PDE4B: variants seen among roughly 807,000 people sequenced by gnomAD.
PDE4B encodes the protein 3',5'-cyclic-AMP phosphodiesterase 4B.
Under a neutral mutation model 82.2 loss-of-function variants are expected in PDE4B, and 20 were observed. The ratio of observed to expected loss-of-function variants is 0.24; its 90% CI spans 0.17 to 0.35. The LOEUF (loss-of-function observed/expected upper bound fraction) is 0.35. PDE4B is among the 10% of genes least tolerant of loss of function. The pLI, the probability that PDE4B is intolerant of heterozygous loss-of-function variation, is 1.00. For synonymous variants in PDE4B, 320 were observed against 318.9 expected (o/e 1.00, Z -0.04); for missense variants, 655 against 907.2 (o/e 0.72, Z 3.57).
intron 1 of PDE4B, among the ~76,000 whole-genome samples, chr1:65,909,825 TA>T (rs1647067498): frequency 6.6e-6 from 1 of 152,198 alleles, no homozygotes; most frequent in Non-Finnish European, 1.5e-5. Flanking sequence ...TTAAAAACTT[TA>T]GTATCTTTTA....
At chr1:66,230,601 G>T (rs945935294) in intron 3 of PDE4B, among the ~76,000 whole-genome samples, 2 of 152,188 alleles carry the variant, frequency 1.3e-5, no homozygotes, top group Non-Finnish European at 2.9e-5. Context: ...ATAGCAATGA[G>T]ATTTAATTTG....
intron 1 of PDE4B, among the ~76,000 whole-genome samples, chr1:65,896,008 G>T (rs572090670): frequency 4.0e-5 from 6 of 150,518 alleles, no homozygotes; most frequent in African/African-American, 1.5e-4. Context: ...GAAGTGAATA[G>T]GAAGATTTTC....
chr1:66,127,564 A>G (rs554310), intron 3 of PDE4B, among the ~76,000 whole-genome samples: 50,912 of 151,954 alleles, frequency 0.34, 9,393 homozygotes, highest in East Asian at 0.69. Context: ...CTTAACTAAT[A>G]TCAGAATTAG....
At chr1:65,898,737 G>C (rs1271747861) in intron 1 of PDE4B, among the ~76,000 whole-genome samples, 1 of 151,998 alleles carries the variant, frequency 6.6e-6, no homozygotes, top group African/African-American at 2.4e-5. Flanking sequence ...TTTCAACAAA[G>C]GGTGCTGGGA....
At chr1:65,838,359 G>C (rs1204301252) in intron 1 of PDE4B, among the ~76,000 whole-genome samples, 1 of 151,852 alleles carries the variant, frequency 6.6e-6, no homozygotes, top group Non-Finnish European at 1.5e-5. Context: ...AAAAACTATA[G>C]TAGAAACACA....
At chr1:66,016,411 A>G (rs1652777797) in intron 3 of PDE4B, among the ~76,000 whole-genome samples, 1 of 152,218 alleles carries the variant, frequency 6.6e-6, no homozygotes, top group Admixed American at 6.5e-5. Context: ...GCTACGGCAC[A>G]TACTTCTTTC....
chr1:65,873,881 G>A (rs1327082903), intron 1 of PDE4B, among the ~76,000 whole-genome samples: 2 of 151,974 alleles, frequency 1.3e-5, no homozygotes, highest in Non-Finnish European at 1.5e-5. Context: ...TTCGGCTTAG[G>A]ATTGACTTGG....
At chr1:65,885,855 TATAATA>T (rs34224891) in intron 1 of PDE4B, among the ~76,000 whole-genome samples, 2,337 of 141,358 alleles carry the variant, frequency 0.017, 63 homozygotes, top group African/African-American at 0.05. Flanking sequence ...AAACTTAACG[TATAATA>T]ATAATAATAA....
chr1:66,078,034 TAGTA>T (rs1489894121), intron 3 of PDE4B, among the ~76,000 whole-genome samples: 1 of 152,162 alleles, frequency 6.6e-6, no homozygotes, highest in Non-Finnish European at 1.5e-5. Flanking sequence ...GCTTGGCACA[TAGTA>T]AGCACTGAGA....
At chr1:66,337,883 T>C (rs541470979) in intron 8 of PDE4B, among the ~76,000 whole-genome samples, 58 of 152,278 alleles carry the variant, frequency 3.8e-4, no homozygotes, top group Non-Finnish European at 7.8e-4. Context: ...CAAAATAAAG[T>C]GAAAAGAGCC....
At chr1:65,964,121 A>G (rs1346361980) in intron 3 of PDE4B, among the ~76,000 whole-genome samples, 1 of 152,120 alleles carries the variant, frequency 6.6e-6, no homozygotes, top group African/African-American at 2.4e-5. Context: ...TGAGAAAAAA[A>G]TTTATTCCAG....
chr1:66,003,696 T>C (rs1253226775), intron 3 of PDE4B, among the ~76,000 whole-genome samples: 1 of 152,148 alleles, frequency 6.6e-6, no homozygotes, highest in East Asian at 1.9e-4. Flanking sequence ...CCTCAGCAGT[T>C]TATACAGGAA....
At chr1:66,110,107 AAAAGCTTG>A (rs1645451168) in intron 3 of PDE4B, among the ~76,000 whole-genome samples, 1 of 152,030 alleles carries the variant, frequency 6.6e-6, no homozygotes, top group African/African-American at 2.4e-5. Context: ...TACTGTGGCA[AAAAGCTTG>A]AAGCTTTCAT....
intron 3 of PDE4B, among the ~76,000 whole-genome samples, chr1:66,148,384 C>G (rs1440487239): frequency 6.6e-6 from 1 of 152,146 alleles, no homozygotes; most frequent in East Asian, 1.9e-4. Context: ...TTATCTAAAT[C>G]CTGTCTATTC....
intron 3 of PDE4B, among the ~76,000 whole-genome samples, chr1:66,090,152 C>A (rs993862010): frequency 2.0e-5 from 3 of 151,714 alleles, no homozygotes; most frequent in African/African-American, 7.3e-5. Context: ...ATACAGATAA[C>A]AAAACTGTAG....
chr1:65,920,940 T>A (rs2100484402), intron 3 of PDE4B, among the ~76,000 whole-genome samples: 1 of 146,186 alleles, frequency 6.8e-6, no homozygotes, highest in African/African-American at 2.5e-5. Context: ...TTTTAAAACA[T>A]AAGTAACTAA....
intron 3 of PDE4B, among the ~76,000 whole-genome samples, chr1:66,029,180 T>C (rs1355427303): frequency 1.3e-5 from 2 of 152,122 alleles, no homozygotes; most frequent in African/African-American, 4.8e-5. Context: ...TACATAGTGG[T>C]GGCAAGAGAA....
chr1:66,220,677 T>G (rs1295336795), intron 3 of PDE4B, among the ~76,000 whole-genome samples: 1 of 152,214 alleles, frequency 6.6e-6, no homozygotes, highest in Non-Finnish European at 1.5e-5. Flanking sequence ...TCTGCTGCTA[T>G]GTTTTAATAG....
At chr1:65,975,327 G>T (rs1650349508) in intron 3 of PDE4B, among the ~76,000 whole-genome samples, 1 of 152,228 alleles carries the variant, frequency 6.6e-6, no homozygotes, top group African/African-American at 2.4e-5. Flanking sequence ...AAGCATTCAG[G>T]ATGTAACCTG....
Sources: gnomAD v4.1 joint callset for allele counts (sites outside exome capture counted in the v4.1 genomes callset) on GRCh38, gnomAD v4.1.1 for gene constraint, MANE v1.5 for transcripts, NCBI Gene and HGNC (gene_info 2026-07-23, HGNC 2026-07-21) for gene names.